IL1RAP: variants seen among roughly 807,000 people sequenced by gnomAD.
IL1RAP encodes interleukin 1 receptor accessory protein, also known as interleukin-1 receptor accessory protein.
IL1RAP carries 35 observed loss-of-function variants against 60.7 expected under a neutral mutation model. The observed-to-expected ratio is 0.58, with a 90% confidence interval of 0.44 to 0.76. The LOEUF (loss-of-function observed/expected upper bound fraction) is 0.76, where lower values mean the gene tolerates loss of function less well. IL1RAP is among the 30% of genes least tolerant of loss of function. The pLI is 0.00. For synonymous variants in IL1RAP, 268 were observed against 250.9 expected (o/e 1.07, Z -0.64); for missense variants, 572 against 693.9 (o/e 0.82, Z 1.97).
chr3:190,589,914 C>T (rs1367620474), intron 3 of IL1RAP, among the ~76,000 whole-genome samples: 1 of 152,196 alleles, frequency 6.6e-6, no homozygotes, highest in Admixed American at 6.5e-5. Context: ...AGACTGCCTT[C>T]TGCATTTTAC....
chr3:190,612,142 T>C (rs1260377047), intron 5 of IL1RAP, among the ~76,000 whole-genome samples: 4 of 152,282 alleles, frequency 2.6e-5, no homozygotes, highest in African/African-American at 9.6e-5. Flanking sequence ...TGGGGTGCAG[T>C]GAGTAGCTGT....
intron 1 of IL1RAP, among the ~76,000 whole-genome samples, chr3:190,522,439 CTAT>C (rs1560136055): frequency 1.3e-5 from 2 of 150,770 alleles, no homozygotes; most frequent in East Asian, 3.9e-4. Context: ...ATCTATCTAT[CTAT>C]CTATCTATCT....
chr3:190,644,366 G>T lies in IL1RAP; in HGVS notation c.1170G>T (p.Arg390=). The T allele has an allele frequency of 3.1e-6, 5 of 1,613,744 alleles. No homozygotes were observed. The highest frequency in any genetic ancestry group is 4.2e-6 in the Non-Finnish European group (5 of 1,179,880). The change falls in exon 10 of 12, where the codon CGG becomes CGT. Residue 390 remains arginine, a synonymous_variant. Coordinates refer to ENST00000447382, the MANE Select transcript of IL1RAP (RefSeq NM_002182.4). ...GGCTAGAGATGGTCCTATTTTACCG[G>T]GCTCATTTTGGAACAGATGAAACCA... The part of the protein sequence containing the change: ...VYWLEMVLFY[R]AHFGTDETIL...
intron 3 of IL1RAP, among the ~76,000 whole-genome samples, chr3:190,586,151 C>G (rs151144431): frequency 2.3e-4 from 35 of 152,276 alleles, no homozygotes; most frequent in African/African-American, 5.5e-4. Flanking sequence ...ATTAAAAGTG[C>G]CTTCTGCCCT....
At chr3:190,535,516 A>T (rs1723383068) in intron 1 of IL1RAP, among the ~76,000 whole-genome samples, 1 of 152,036 alleles carries the variant, frequency 6.6e-6, no homozygotes, top group African/African-American at 2.4e-5. Flanking sequence ...TAGAAGATCT[A>T]CCTCCTCCAA....
chr3:190,593,167 A>G (rs536729488), intron 3 of IL1RAP, among the ~76,000 whole-genome samples: 12 of 151,620 alleles, frequency 7.9e-5, no homozygotes, highest in African/African-American at 2.2e-4. Flanking sequence ...TTTTTTTCAA[A>G]TTATTCAATC....
intron 1 of IL1RAP, among the ~76,000 whole-genome samples, chr3:190,521,846 C>T (rs539087011): frequency 5.3e-4 from 79 of 150,114 alleles, no homozygotes; most frequent in African/African-American, 1.8e-3. Flanking sequence ...GATAATAGAG[C>T]CTTTCTTAAA....
chr3:190,527,415 A>G (rs1056953914), intron 1 of IL1RAP, among the ~76,000 whole-genome samples: 3 of 152,206 alleles, frequency 2.0e-5, no homozygotes, highest in Non-Finnish European at 2.9e-5. Context: ...TGGTGATAAA[A>G]TCAAATATTT....
chr3:190,641,731 C>T (rs1452509052), intron 9 of IL1RAP, among the ~76,000 whole-genome samples: 1 of 152,068 alleles, frequency 6.6e-6, no homozygotes, highest in African/African-American at 2.4e-5. Context: ...AACCTCCACC[C>T]CCATTACAAA....
At chr3:190,604,496 G>C in intron 4 of IL1RAP, 83 bp downstream of exon 4, 1 of 1,409,502 alleles carries the variant, frequency 7.1e-7, no homozygotes, top group Non-Finnish European at 9.6e-7. Context: ...CTAGGAAGCT[G>C]GGGAGAAGTC....
chr3:190,568,548 A>G (rs1726624198), intron 3 of IL1RAP, among the ~76,000 whole-genome samples: 1 of 152,232 alleles, frequency 6.6e-6, no homozygotes. Context: ...AAATAAATAA[A>G]TAGTAAAAAA....
At chr3:190,614,660 C>A (rs1423107972) in intron 5 of IL1RAP, among the ~76,000 whole-genome samples, 3 of 152,128 alleles carry the variant, frequency 2.0e-5, no homozygotes, top group Admixed American at 2.0e-4. Context: ...AAGATTCTAA[C>A]CTATGTAATG....
At chr3:190,547,489 C>G (rs928083964) in intron 1 of IL1RAP, among the ~76,000 whole-genome samples, 2 of 152,168 alleles carry the variant, frequency 1.3e-5, no homozygotes, top group African/African-American at 4.8e-5. Context: ...TTCTTTAACA[C>G]TTTAGATACA....
intron 1 of IL1RAP, among the ~76,000 whole-genome samples, chr3:190,528,467 G>T (rs1291960174): frequency 6.6e-6 from 1 of 152,178 alleles, no homozygotes; most frequent in Non-Finnish European, 1.5e-5. Context: ...TTCATATAAG[G>T]TGATACCACA....
intron 9 of IL1RAP, 70 bp downstream of exon 9, chr3:190,629,568 G>A (rs780380929): frequency 6.5e-7 from 1 of 1,527,448 alleles, no homozygotes; most frequent in Admixed American, 2.2e-5. Context: ...GACAAAAGGA[G>A]AGATTGAGAA....
chr3:190,531,681 A>G (rs984790645), intron 1 of IL1RAP, among the ~76,000 whole-genome samples: 3 of 152,176 alleles, frequency 2.0e-5, no homozygotes, highest in Admixed American at 6.5e-5. Context: ...GTGCTGTATC[A>G]CCTAAGACTT....
intron 1 of IL1RAP, among the ~76,000 whole-genome samples, chr3:190,523,882 C>T (rs1481872428): frequency 2.6e-5 from 4 of 152,114 alleles, no homozygotes; most frequent in Non-Finnish European, 4.4e-5. Flanking sequence ...GGTGTATACC[C>T]AGTAATGAGA....
chr3:190,543,055 G>T (rs1366172898), intron 1 of IL1RAP, among the ~76,000 whole-genome samples: 1 of 152,012 alleles, frequency 6.6e-6, no homozygotes, highest in Non-Finnish European at 1.5e-5. Flanking sequence ...GGCTCACTAA[G>T]CAACTCTGTT....
At chr3:190,525,296 C>T (rs1321624148) in intron 1 of IL1RAP, among the ~76,000 whole-genome samples, 1 of 152,108 alleles carries the variant, frequency 6.6e-6, no homozygotes, top group Non-Finnish European at 1.5e-5. Context: ...GAAGTGATCT[C>T]CGAGAAACTG....
Sources: allele counts gnomAD v4.1 joint callset (sites outside exome capture counted in the v4.1 genomes callset), GRCh38; gene constraint gnomAD v4.1.1; transcripts MANE v1.5; gene names NCBI Gene and HGNC (gene_info 2026-07-23, HGNC 2026-07-21).